The following BRD4 variants were observed in gnomAD, a reference collection of about 807,000 sequenced individuals.
The protein encoded by BRD4 is bromodomain-containing protein 4.
BRD4 carries 16 observed loss-of-function variants against 142.1 expected under a neutral mutation model. The observed-to-expected ratio is 0.11, with a 90% confidence interval of 0.08 to 0.17. BRD4 has a LOEUF of 0.17. Ranked by LOEUF, BRD4 falls within the 10% of genes least tolerant of loss-of-function variation. The pLI is 1.00. For missense variants in BRD4, 1,424 were observed against 1,810.9 expected (o/e 0.79, Z 3.88); for synonymous variants, 833 against 707.5 (o/e 1.18, Z -2.82).
chr19:15,262,584 A>G (rs1419674563), intron 7 of BRD4, among the ~76,000 whole-genome samples: 2 of 151,304 alleles, frequency 1.3e-5, no homozygotes, highest in African/African-American at 2.4e-5. Context: ...TTAGCTGGGC[A>G]TGGTGGTGCA....
intron 11 of BRD4, among the ~76,000 whole-genome samples, chr19:15,251,500 G>A (rs2047346139): frequency 7.8e-6 from 1 of 127,438 alleles, no homozygotes; most frequent in Non-Finnish European, 1.6e-5. Context: ...AAAGACCAAA[G>A]GGAAATAATG....
intron 1 of BRD4, among the ~76,000 whole-genome samples, chr19:15,299,653 G>A (rs752404359): frequency 5.3e-5 from 8 of 152,208 alleles, no homozygotes; most frequent in Non-Finnish European, 8.8e-5. Context: ...CATTTACAGG[G>A]ACATGTTTCC....
rs199792504 is a variant in BRD4, at chr19:15,237,935, C to T, written c.*442G>A. 7 of 241,398 alleles carry T rather than the reference C, an allele frequency of 2.9e-5. No homozygotes were observed. The highest frequency in any genetic ancestry group is 4.4e-5 in the African/African-American group (2 of 45,320). 15.0% of individuals were successfully genotyped at this position (241,398 alleles called of 1,614,324 possible). On this transcript the variant is annotated 3_prime_UTR_variant, in exon 20 of 20. Transcript: ENST00000679869. The stretch of plus-strand genomic sequence containing the variant: ...CCTGCCCTGGCCTCCTGGGAGCGGG[C>T]GGCGATGGCTGGGGTGTGGGGAAAG...
rs141260661 is a variant in BRD4, at chr19:15,265,522, G to C, written c.681C>G (p.Ala227=). The part of the protein sequence containing the change: ...PVQATPHPFP[A]VTPDLIVQTP... ...TCTGGACGATGAGGTCCGGGGTGAC[G>C]GCAGGGAAGGGGTGAGGCGTGGCCT... The change falls in exon 5 of 20, where the codon GCC becomes GCG. Residue 227 remains alanine, a synonymous_variant. Transcript: ENST00000679869. The C allele has an allele frequency of 6.2e-7, 1 of 1,614,026 alleles. No homozygotes were observed. Among genetic ancestry groups the C allele is most frequent in the East Asian group, 2.2e-5 (1 of 44,876 alleles).
intron 11 of BRD4, among the ~76,000 whole-genome samples, chr19:15,245,442 G>A (rs1230169155): frequency 3.3e-5 from 5 of 152,160 alleles, no homozygotes; most frequent in Non-Finnish European, 7.4e-5. Flanking sequence ...AGAGGTAGAT[G>A]GACCTCAGAA....
In BRD4 at chr19:15,243,293, T is replaced by G; in HGVS notation, c.2776A>C (p.Met926Leu). Residue 926 changes from methionine to leucine, a missense_variant, in exon 14 of 20, where the codon ATG becomes CTG. Physicochemically the swap from Met to Leu is conservative, Grantham distance 15 (BLOSUM62 2). Around this residue, in one of 16 missense-constraint regions of BRD4, gnomAD observed 598 missense variants for 647.8 expected, o/e 0.92. Coordinates refer to ENST00000679869, the MANE Select transcript of BRD4 (RefSeq NM_001379291.1). ...TGCTGCAGGTACAGCTGCATCTGCA[T>G]GGAGGTGAGGGGTGGGGCAGGTGGC... is the stretch of plus-strand genomic sequence containing the variant. Reference protein sequence around the residue: ...EEPPAPPLTSMQMQLYLQQLQ... With the variant: ...EEPPAPPLTSLQMQLYLQQLQ... 8.2e-7 allele frequency: 1 copy of G among 1,216,568 alleles called. No individual in the cohort carries two copies. Among genetic ancestry groups the G allele is most frequent in the Non-Finnish European group, 1.0e-6 (1 of 962,146 alleles). The allele number at this position is 1,216,568 out of a possible 1,614,324, so 75.4% of individuals were successfully genotyped here.
intron 1 of BRD4, among the ~76,000 whole-genome samples, chr19:15,330,074 C>A (rs2048143812): frequency 6.6e-6 from 1 of 152,230 alleles, no homozygotes; most frequent in African/African-American, 2.4e-5. Flanking sequence ...CCTTAAAACT[C>A]AGCAGCTACC....
intron 10 of BRD4, 87 bp downstream of exon 10, chr19:15,255,210 G>A: frequency 4.9e-6 from 6 of 1,226,426 alleles, no homozygotes; most frequent in East Asian, 2.4e-5. Flanking sequence ...GGGGGGGGGC[G>A]CAGAAAGAGT....
At chr19:15,323,177 T>TAAAAAAAAAAAAAAA (rs1568412782) in intron 1 of BRD4, among the ~76,000 whole-genome samples, 1 of 32,234 alleles carries the variant, frequency 3.1e-5, no homozygotes, top group African/African-American at 3.2e-4. Flanking sequence ...CTCCATCTCT[T>TAAAAAAAAAAAAAAA]TAAAAAAAAA....
At chr19:15,268,554 T>C (rs528279918) in intron 3 of BRD4, among the ~76,000 whole-genome samples, 5 of 152,116 alleles carry the variant, frequency 3.3e-5, no homozygotes, top group Non-Finnish European at 5.9e-5. Context: ...CCTAACAATT[T>C]ACATCACCCA....
chr19:15,272,776 TCCAGGACGGCCACC>T, intron 2 of BRD4, 25 bp downstream of exon 2: 1 of 1,584,206 alleles, frequency 6.3e-7, no homozygotes. Context: ...GGAGACGACC[TCCAGGACGGCCACC>T]CTGGGCCCTG....
intron 1 of BRD4, among the ~76,000 whole-genome samples, 178 bp downstream of exon 1, chr19:15,332,112 G>T (rs1003338169): frequency 3.4e-5 from 5 of 145,674 alleles, no homozygotes; most frequent in Non-Finnish European, 6.1e-5. Context: ...AACGAACGGC[G>T]CGGGAGGCCC....
At position 15,272,863 on chromosome 19, in the gene BRD4, A is replaced by G. The variant is rs762297379; in HGVS notation, c.237T>C (p.Phe79=). The G allele has an allele frequency of 6.2e-7, 1 of 1,614,024 alleles. No homozygotes were observed. Among genetic ancestry groups the G allele is most frequent in the African/African-American group, 1.3e-5 (1 of 74,922 alleles). Reference sequence around the variant, plus strand: ...CCACAGGCTGCTGGAAAGGCCATGCAAACTGGTGTTTCCATAGTGTCTTGA... The same window carrying G: ...CCACAGGCTGCTGGAAAGGCCATGCGAACTGGTGTTTCCATAGTGTCTTGA... ...VVLKTLWKHQ[F]AWPFQQPVDA... is the part of the protein sequence containing the mutation. The change falls in exon 2 of 20, where the codon TTT becomes TTC. Residue 79 remains phenylalanine (F), a synonymous_variant. Coordinates refer to ENST00000679869, the MANE Select transcript of BRD4 (RefSeq NM_001379291.1).
intron 1 of BRD4, among the ~76,000 whole-genome samples, chr19:15,306,871 CGTT>C (rs2047918729): frequency 3.3e-5 from 5 of 152,076 alleles, no homozygotes; most frequent in African/African-American, 9.7e-5. Flanking sequence ...TAGTCTGAAA[CGTT>C]GGTCACATTA....
At chr19:15,326,526 T>C (rs1000805147) in intron 1 of BRD4, among the ~76,000 whole-genome samples, 4 of 152,140 alleles carry the variant, frequency 2.6e-5, no homozygotes, top group African/African-American at 7.2e-5. Context: ...AGAACTTCAC[T>C]ACAACCAAAT....
At chr19:15,305,451 CAGAGGTCT>C (rs1482187147) in intron 1 of BRD4, among the ~76,000 whole-genome samples, 2 of 152,222 alleles carry the variant, frequency 1.3e-5, no homozygotes. Context: ...GCATGTCCAT[CAGAGGTCT>C]TGGGTGACAA....
At position 15,251,438 on chromosome 19, in the gene BRD4, C is replaced by CGGGGGGGG. The variant is rs1197390019; in HGVS notation, c.2158+2706_2158+2713dup. Among the ~76,000 whole-genome samples, 12 of 7,088 alleles carry CGGGGGGGG rather than the reference C, an allele frequency of 1.7e-3. No individual in the cohort carries two copies. The highest frequency in any genetic ancestry group is 1.8e-3 in the Non-Finnish European group (7 of 3,962). The allele number at this position is 7,088 out of a possible 152,430, so 4.7% of individuals were successfully genotyped here. A position where few individuals can be genotyped will look rare whatever the true frequency, so the allele number is the denominator to read the frequency against. On this transcript the variant is annotated intron_variant, in intron 11 of 19. Transcript: ENST00000679869. ...TCCAATCCAAATGGAAACACAAGAACGGGGGGGGGGGGGGGGGCGGGGGCG... is the reference window on the plus strand; with the variant it reads ...TCCAATCCAAATGGAAACACAAGAACGGGGGGGGGGGGGGGGGGGGGGGGGCGGGGGCG...
Position 15,238,533 on chromosome 19 carries a change from C to A in BRD4, c.4021-88G>T. 1 of 1,598,856 alleles carries A rather than the reference C, an allele frequency of 6.3e-7. No homozygotes were observed. The highest frequency in any genetic ancestry group is 8.5e-7 in the Non-Finnish European group (1 of 1,172,944). On this transcript the variant is annotated intron_variant, in intron 19 of 19. Transcript: ENST00000679869. The surrounding 1 kb of genome is among the most constrained non-coding windows in gnomAD (Gnocchi z 7.2). The stretch of plus-strand genomic sequence containing the variant: ...TCATACCCGCTACCAGCAGTCAGCC[C>A]CGTAGCCCTCCCCGTGGCTGACCCC...
At chr19:15,272,227 C>T (rs1451867144) in intron 2 of BRD4, among the ~76,000 whole-genome samples, 1 of 152,116 alleles carries the variant, frequency 6.6e-6, no homozygotes, top group Non-Finnish European at 1.5e-5. Context: ...AGCAAGTGTG[C>T]TGTAGCCAGA....
Sources: allele counts gnomAD v4.1 joint callset (sites outside exome capture counted in the v4.1 genomes callset), GRCh38; gene constraint gnomAD v4.1.1; regional missense constraint gnomAD v4.1.1; non-coding constraint Gnocchi (gnomAD v3.1); transcripts MANE v1.5; gene names NCBI Gene and HGNC (gene_info 2026-07-23, HGNC 2026-07-21).